Variants in ANKRD11 observed in about 807,000 individuals in gnomAD.
ANKRD11 encodes ankyrin repeat domain-containing protein 11.
Under a neutral mutation model 195.7 loss-of-function variants are expected in ANKRD11, and 17 were observed. The ratio of observed to expected loss-of-function variants is 0.09; its 90% CI spans 0.06 to 0.13. The LOEUF is 0.13. ANKRD11 is among the 10% of genes least tolerant of loss of function. ANKRD11 has a pLI of 1.00. For missense variants in ANKRD11, 3,735 were observed against 3,566.1 expected (o/e 1.05, Z -1.21); for synonymous variants, 1,953 against 1,528.1 (o/e 1.28, Z -6.49).
At chr16:89,457,176 G>A (rs1409295628) in intron 1 of ANKRD11, among the ~76,000 whole-genome samples, 4 of 150,398 alleles carry the variant, frequency 2.7e-5, no homozygotes, top group African/African-American at 9.7e-5. Context: ...AGCCGGGATG[G>A]TCTCGATCTC....
In ANKRD11 at chr16:89,284,611, C is replaced by T; in HGVS notation, c.1931G>A (p.Gly644Glu). The T allele has an allele frequency of 6.2e-7, 1 of 1,614,070 alleles. No individual in the cohort carries two copies. Among genetic ancestry groups the T allele is most frequent in the Non-Finnish European group, 8.5e-7 (1 of 1,180,020 alleles). Residue 644 changes from glycine (G) to glutamate (E), a missense_variant, in exon 9 of 13, where the codon GGA (glycine) becomes GAA (glutamate). Gly to Glu is a moderately conservative substitution (Grantham distance 98, BLOSUM62 -2). Transcript: ENST00000301030. Reference protein sequence around the residue: ...TKHKHKNKEKGQCSISQELKL... With the variant: ...TKHKHKNKEKEQCSISQELKL... ...CAGCTCTTGGCTGATGGAACACTGT[C>T]CCTTCTCCTTGTTTTTGTGTTTGTG...
chr16:89,290,679 G>A lies in ANKRD11; in HGVS notation c.547C>T (p.Arg183Cys), dbSNP rs2035003979. 1 of 1,613,900 alleles carries A rather than the reference G, an allele frequency of 6.2e-7. No individual in the cohort carries two copies. Among genetic ancestry groups the A allele is most frequent in the Non-Finnish European group, 8.5e-7 (1 of 1,180,010 alleles). Reference protein sequence around the residue: ...HRAAIRGDARRIKELISEGAD... With the variant: ...HRAAIRGDARCIKELISEGAD... ...CCCTCGCTGATGAGCTCTTTGATGC[G>A]CCGGGCGTCCCCGCGGATGGCGGCT... The change falls in exon 6 of 13, where the codon CGC (arginine) becomes TGC (cysteine). Residue 183 changes from arginine (R) to cysteine (C), a missense_variant. By Grantham distance (180) the Arg-to-Cys change is radical. Transcript: ENST00000301030.
intron 2 of ANKRD11, among the ~76,000 whole-genome samples, chr16:89,364,728 G>C (rs542055455): frequency 1.3e-5 from 2 of 152,220 alleles, no homozygotes; most frequent in African/African-American, 2.4e-5. Flanking sequence ...TGGGCCGCGG[G>C]CTGGACAAGC....
At chr16:89,271,024 C>T (rs959710570) in intron 11 of ANKRD11, 115 bp from the exon 12 acceptor site, 1 of 898,236 alleles carries the variant, frequency 1.1e-6, no homozygotes, top group Non-Finnish European at 1.8e-6. Context: ...ACAGGGGGAG[C>T]CTCATTCCAC....
rs906699925 is a variant in ANKRD11 at position 89,284,662 on chromosome 16, T to G, written c.1880A>C (p.Lys627Thr). ...GAVPKLDKEG[K>T]VVKKHKTKHK... is the part of the protein sequence containing the mutation. ...TTTTGTTTTATGTTTTTTGACAACT[T>G]TCCCCTCCTTGTCCAGTTTGGGGAC... is the stretch of plus-strand genomic sequence containing the variant. Residue 627 changes from lysine to threonine, a missense_variant, in exon 9 of 13, where the codon AAA becomes ACA. Transcript: ENST00000301030. 1.2e-6 allele frequency: 2 copies of G among 1,613,968 alleles called. No individual in the cohort carries two copies. The highest frequency in any genetic ancestry group is 1.7e-6 in the Non-Finnish European group (2 of 1,180,034).
chr16:89,394,344 G>A (rs568994156), intron 2 of ANKRD11, among the ~76,000 whole-genome samples: 50 of 152,266 alleles, frequency 3.3e-4, no homozygotes, highest in African/African-American at 1.1e-3. Flanking sequence ...AAAACAGCTC[G>A]TGGGCCAGGC....
intron 2 of ANKRD11, among the ~76,000 whole-genome samples, chr16:89,383,634 C>T (rs1439533164): frequency 2.0e-5 from 3 of 152,132 alleles, no homozygotes; most frequent in Non-Finnish European, 2.9e-5. Context: ...GCCCTCGGAC[C>T]AGCAACGCAG....
rs920757686 is a variant in ANKRD11 at position 89,284,922 on chromosome 16, G to C, written c.1620C>G (p.Asp540Glu). The change falls in exon 9 of 13, where the codon GAC becomes GAG. Residue 540 changes from aspartate (D) to glutamate (E), a missense_variant. Transcript: ENST00000301030. ...AAQKQNPSHT[D>E]QHTKHWRTDN... is the part of the protein sequence containing the mutation. ...CTGTCCGCCAGTGCTTGGTGTGCTGGTCTGTGTGGCTGGGGTTCTGCTTCT... is the reference window on the plus strand; with the variant it reads ...CTGTCCGCCAGTGCTTGGTGTGCTGCTCTGTGTGGCTGGGGTTCTGCTTCT... The C allele has an allele frequency of 1.9e-6, 3 of 1,614,082 alleles. No individual in the cohort carries two copies.
Position 89,388,557 on chromosome 16 carries a change from C to G in ANKRD11, c.-60+29727G>C, listed in dbSNP as rs184719356. Among the ~76,000 whole-genome samples, 161 of 152,226 alleles carry G rather than the reference C, an allele frequency of 1.1e-3. 3 individuals carry two copies. Among genetic ancestry groups the G allele is most frequent in the Non-Finnish European group, 8.7e-4 (59 of 68,020 alleles). On this transcript the variant is annotated intron_variant, in intron 2 of 12. Transcript: ENST00000301030. ...AAAGCCCACGAGATGACAAAAAAGCCTGAATGCTGCATGTGTGTCTCTGAC... is the reference window on the plus strand; with the variant it reads ...AAAGCCCACGAGATGACAAAAAAGCGTGAATGCTGCATGTGTGTCTCTGAC...
Position 89,281,157 on chromosome 16 carries a change from A to T in ANKRD11, c.5385T>A (p.Ile1795=). 6.2e-7 allele frequency: 1 copy of T among 1,614,058 alleles called. No individual in the cohort carries two copies. The highest frequency in any genetic ancestry group is 8.5e-7 in the Non-Finnish European group (1 of 1,179,968). The change falls in exon 9 of 13, where the codon ATT becomes ATA. Residue 1795 remains isoleucine (I), a synonymous_variant. Coordinates refer to ENST00000301030, the MANE Select transcript of ANKRD11 (RefSeq NM_013275.6). This position sits in a 1 kb window ranked among gnomAD's most constrained non-coding sequence, Gnocchi z 5.5. ...TGAATTCTTCCTCGGGGGTCCTCCT[A>T]ATGTCGACAGAGACCGAGCGGTAAA... ...TNLYRSVSVD[I]RRTPEEEFSV...
chr16:89,299,511 G>C (rs2035685710), intron 4 of ANKRD11: 1 of 186,542 alleles, frequency 5.4e-6, no homozygotes. Context: ...GGGGTGCGTG[G>C]GGTCTGTGCC....
intron 11 of ANKRD11, 93 bp from the exon 12 acceptor site, chr16:89,271,002 C>G (rs762740807): frequency 2.8e-4 from 334 of 1,172,378 alleles, no homozygotes; most frequent in Non-Finnish European, 4.0e-4. Context: ...TGACCGTTCT[C>G]AAGGGACAAC....
At chr16:89,327,365 G>C (rs891098074) in intron 2 of ANKRD11, among the ~76,000 whole-genome samples, 1 of 152,156 alleles carries the variant, frequency 6.6e-6, no homozygotes, top group Non-Finnish European at 1.5e-5. Context: ...ATGATCAAGA[G>C]TGACGTGCTG....
rs1231067862 is a variant in ANKRD11, at chr16:89,462,960, G to GC, written c.-145+27284dup. On this transcript the variant is annotated intron_variant, in intron 1 of 12. Coordinates refer to ENST00000301030, the MANE Select transcript of ANKRD11 (RefSeq NM_013275.6). ...AGGGAGGTGGAGGTGGGGGGGGTCAGCCCCCCCGCCAGGCCAGCCGCCCCG... is the reference window on the plus strand; with the variant it reads ...AGGGAGGTGGAGGTGGGGGGGGTCAGCCCCCCCCGCCAGGCCAGCCGCCCCG... Among the ~76,000 whole-genome samples the GC allele has an allele frequency of 6.6e-5, 10 of 150,392 alleles. No individual in the cohort carries two copies. The South Asian group carries it at 8.5e-4, about 13-fold the overall frequency.
At chr16:89,300,574 G>A in intron 4 of ANKRD11, 1 of 379,230 alleles carries the variant, frequency 2.6e-6, no homozygotes, top group Non-Finnish European at 4.8e-6. Context: ...CTAGCACTGG[G>A]CAAGGTCTGG....
intron 2 of ANKRD11, among the ~76,000 whole-genome samples, chr16:89,379,075 T>C (rs2040538659): frequency 6.6e-6 from 1 of 152,222 alleles, no homozygotes; most frequent in South Asian, 2.1e-4. Context: ...GGGTCGTCCA[T>C]GCCCAGAACG....
intron 2 of ANKRD11, among the ~76,000 whole-genome samples, chr16:89,363,582 C>T (rs1567702098): frequency 1.3e-5 from 2 of 152,122 alleles, no homozygotes; most frequent in Admixed American, 1.3e-4. Context: ...CTAGGAGAAA[C>T]CACCAAAACT....
chr16:89,347,265 G>A (rs2038984890), intron 2 of ANKRD11, among the ~76,000 whole-genome samples: 1 of 152,186 alleles, frequency 6.6e-6, no homozygotes, highest in Non-Finnish European at 1.5e-5. Context: ...AAGCCTGACT[G>A]TCGCACATGT....
chr16:89,481,688 T>C (rs1036564998), intron 1 of ANKRD11, among the ~76,000 whole-genome samples: 3 of 152,180 alleles, frequency 2.0e-5, no homozygotes, highest in African/African-American at 7.2e-5. Flanking sequence ...GGTCTATCAT[T>C]GCAAACCCTA....
Sources: gnomAD v4.1 joint callset for allele counts (sites outside exome capture counted in the v4.1 genomes callset) on GRCh38, gnomAD v4.1.1 for gene constraint, Gnocchi (gnomAD v3.1) non-coding constraint, MANE v1.5 for transcripts, NCBI Gene and HGNC (gene_info 2026-07-23, HGNC 2026-07-21) for gene names.